The following CACHD1 variants were observed in gnomAD, a reference collection of about 807,000 sequenced individuals.
The protein encoded by CACHD1 is VWFA and cache domain-containing protein 1.
A neutral mutation model predicts 138.7 loss-of-function variants in CACHD1; 71 were observed. The ratio of observed to expected loss-of-function variants is 0.51; its 90% confidence interval spans 0.42 to 0.62. The LOEUF is 0.62. Among genes scored for constraint, CACHD1 ranks in the 20% least tolerant of loss-of-function variants. The pLI, the probability that CACHD1 is intolerant of heterozygous loss-of-function variation, is 0.00. For missense variants in CACHD1, 1,389 were observed against 1,625.3 expected (o/e 0.85, Z 2.50); for synonymous variants, 578 against 591.5 (o/e 0.98, Z 0.33).
intron 2 of CACHD1, among the ~76,000 whole-genome samples, chr1:64,571,160 G>A (rs984388914): frequency 6.6e-6 from 1 of 152,114 alleles, no homozygotes. Flanking sequence ...TCAAGACTCA[G>A]GTAATGTGGA....
intron 12 of CACHD1, among the ~76,000 whole-genome samples, chr1:64,658,498 T>C (rs996744806): frequency 6.6e-6 from 1 of 152,192 alleles, no homozygotes; most frequent in Non-Finnish European, 1.5e-5. Flanking sequence ...ACTTCAGGTC[T>C]CCTCAACAAG....
intron 1 of CACHD1, among the ~76,000 whole-genome samples, chr1:64,512,297 G>A (rs1646426485): frequency 1.3e-5 from 2 of 149,204 alleles, no homozygotes; most frequent in Admixed American, 1.3e-4. Context: ...GGGAGGCTGA[G>A]TCACAAGAAT....
intron 4 of CACHD1, among the ~76,000 whole-genome samples, chr1:64,614,849 T>C (rs1570418548): frequency 6.6e-6 from 1 of 152,192 alleles, no homozygotes; most frequent in Admixed American, 6.5e-5. Context: ...ATAATTAACG[T>C]AGAGACCCCC....
At chr1:64,566,510 C>CT (rs1646884062) in intron 2 of CACHD1, among the ~76,000 whole-genome samples, 1 of 97,688 alleles carries the variant, frequency 1.0e-5, no homozygotes, top group South Asian at 3.7e-4. Context: ...GGGGGAAGTA[C>CT]TGCCTGTCTT....
At chr1:64,496,081 A>G (rs563365338) in intron 1 of CACHD1, among the ~76,000 whole-genome samples, 2 of 152,288 alleles carry the variant, frequency 1.3e-5, no homozygotes, top group South Asian at 4.1e-4. Context: ...GTCCCAGACA[A>G]TGCATCCTAG....
chr1:64,659,162 G>A (rs1266511198), intron 13 of CACHD1, among the ~76,000 whole-genome samples: 2 of 152,172 alleles, frequency 1.3e-5, no homozygotes, highest in Non-Finnish European at 2.9e-5. Flanking sequence ...CAAGTTTGAT[G>A]TTGAGTGAAG....
At chr1:64,670,888 T>C (rs1649790656) in intron 16 of CACHD1, among the ~76,000 whole-genome samples, 1 of 152,208 alleles carries the variant, frequency 6.6e-6, no homozygotes, top group South Asian at 2.1e-4. Flanking sequence ...AAGATTTGAC[T>C]TCAGATCTGC....
intron 19 of CACHD1, among the ~76,000 whole-genome samples, chr1:64,674,832 T>C (rs1293555494): frequency 1.3e-5 from 2 of 152,210 alleles, no homozygotes; most frequent in East Asian, 1.9e-4. Flanking sequence ...TTCAAGAAAC[T>C]TGCTATCACA....
At position 64,614,561 on chromosome 1, in the gene CACHD1, G is replaced by A. The variant is rs74445477; in HGVS notation, c.517+11649G>A. Among the ~76,000 whole-genome samples, 429 of 152,122 alleles carry A rather than the reference G, an allele frequency of 2.8e-3. 3 individuals are homozygous for A. The highest frequency in any genetic ancestry group is 9.8e-3 in the African/African-American group (408 of 41,504). On this transcript the variant is annotated intron_variant, in intron 4 of 26. Coordinates refer to ENST00000651257, the MANE Select transcript of CACHD1 (RefSeq NM_020925.4). The stretch of plus-strand genomic sequence containing the variant: ...TACTCTTGTTTGGTCTAGACACCCC[G>A]CTGGGTACCTGCTTGTGCATTGCTC...
At chr1:64,590,030 G>A (rs539681287) in intron 3 of CACHD1, among the ~76,000 whole-genome samples, 5 of 152,058 alleles carry the variant, frequency 3.3e-5, no homozygotes, top group African/African-American at 4.8e-5. Flanking sequence ...ATGCTCAGCC[G>A]GGCGCAGTGG....
chr1:64,617,560 T>C (rs561571291), intron 4 of CACHD1, among the ~76,000 whole-genome samples: 1 of 152,274 alleles, frequency 6.6e-6, no homozygotes, highest in East Asian at 1.9e-4. Context: ...GGATGCCTGC[T>C]CCTTAGTCTT....
chr1:64,550,525 T>C lies in CACHD1; in HGVS notation c.199-69T>C. The C allele has an allele frequency of 3.7e-6, 4 of 1,089,498 alleles. No individual in the cohort carries two copies. The South Asian group carries it at 5.4e-5, about 15-fold the overall frequency. 67.5% of individuals were successfully genotyped at this position (1,089,498 alleles called of 1,614,324 possible). A position where few individuals can be genotyped will look rare whatever the true frequency, so the allele number is the denominator to read the frequency against. On this transcript the variant is annotated intron_variant, in intron 1 of 26. Coordinates refer to ENST00000651257, the MANE Select transcript of CACHD1 (RefSeq NM_020925.4). ...GATTCTATTTGTTGTAAACAAATTA[T>C]TCACATACACACTCATGTAGAAAAT...
intron 3 of CACHD1, among the ~76,000 whole-genome samples, chr1:64,591,668 T>C (rs946286596): frequency 2.0e-5 from 3 of 152,206 alleles, no homozygotes; most frequent in African/African-American, 7.2e-5. Flanking sequence ...GGAATTCCAC[T>C]TCTTAATCAT....
chr1:64,473,305 TTTAG>T (rs1460591963), intron 1 of CACHD1, among the ~76,000 whole-genome samples: 1 of 152,188 alleles, frequency 6.6e-6, no homozygotes, highest in Non-Finnish European at 1.5e-5. Flanking sequence ...CTCTTTTTAA[TTTAG>T]TTAGACTGGT....
intron 8 of CACHD1, among the ~76,000 whole-genome samples, chr1:64,645,405 T>C (rs530655769): frequency 1.3e-5 from 2 of 152,294 alleles, no homozygotes; most frequent in African/African-American, 4.8e-5. Context: ...GCTGTGATTA[T>C]TACACATTGC....
At chr1:64,531,099 A>G (rs1004436240) in intron 1 of CACHD1, among the ~76,000 whole-genome samples, 28 of 152,206 alleles carry the variant, frequency 1.8e-4, no homozygotes, top group African/African-American at 6.8e-4. Flanking sequence ...TGTTCATTAC[A>G]TGGAATGCTT....
chr1:64,517,306 A>G (rs1038835057), intron 1 of CACHD1, among the ~76,000 whole-genome samples: 4 of 152,254 alleles, frequency 2.6e-5, no homozygotes, highest in African/African-American at 7.2e-5. Context: ...TGGAGGTTAC[A>G]TTCCAATTGC....
intron 1 of CACHD1, among the ~76,000 whole-genome samples, chr1:64,540,508 A>G (rs988643110): frequency 1.3e-5 from 2 of 152,198 alleles, no homozygotes; most frequent in African/African-American, 4.8e-5. Flanking sequence ...GAACTAATTT[A>G]TTTGACATTT....
At chr1:64,594,639 G>C (rs1185499851) in intron 3 of CACHD1, among the ~76,000 whole-genome samples, 1 of 152,200 alleles carries the variant, frequency 6.6e-6, no homozygotes, top group African/African-American at 2.4e-5. Flanking sequence ...GACCTTCATT[G>C]AAGGAAGAAT....
Sources: allele counts gnomAD v4.1 joint callset (sites outside exome capture counted in the v4.1 genomes callset), GRCh38; gene constraint gnomAD v4.1.1; transcripts MANE v1.5; gene names NCBI Gene and HGNC (gene_info 2026-07-23, HGNC 2026-07-21).